The following KCNJ6 variants were observed in gnomAD, a reference collection of about 807,000 sequenced individuals.
KCNJ6 encodes the protein G protein-activated inward rectifier potassium channel 2.
A neutral mutation model predicts 34.2 loss-of-function variants in KCNJ6; 9 were observed. The observed-to-expected ratio is 0.26, with a 90% CI of 0.16 to 0.46. KCNJ6 has a LOEUF of 0.46. KCNJ6 is among the 20% of genes least tolerant of loss of function. The probability of loss-of-function intolerance (pLI) is 1.00; values close to 1 mark genes in which losing one functional copy is unlikely to be tolerated. For missense variants in KCNJ6, 236 were observed against 531.3 expected, an observed-to-expected ratio of 0.44 and a Z score of 5.46; for synonymous variants, 196 against 207.1, an observed-to-expected ratio of 0.95 and a Z score of 0.46.
chr21:37,868,311 A>G (rs1216843931), intron 1 of KCNJ6, among the ~76,000 whole-genome samples: 1 of 152,240 alleles, frequency 6.6e-6, no homozygotes, highest in African/African-American at 2.4e-5. Flanking sequence ...AGAGATTTGT[A>G]CTGTCTGGAA....
chr21:37,697,994 G>C (rs1273120584), intron 3 of KCNJ6, among the ~76,000 whole-genome samples: 1 of 152,158 alleles, frequency 6.6e-6, no homozygotes, highest in Non-Finnish European at 1.5e-5. Context: ...AGTAGTGGGA[G>C]TACTTTTCAC....
In KCNJ6 at chr21:37,842,764, C is replaced by T. The variant is rs146059669; in HGVS notation, c.-27-2055G>A. 3.3e-3 allele frequency among the ~76,000 whole-genome samples: 504 copies of T among 152,296 alleles called. 2 individuals are homozygous for T. The highest frequency in any genetic ancestry group is 4.9e-3 in the Non-Finnish European group (333 of 68,038). Reference sequence around the variant, plus strand: ...TGCCGGTTCATGTGAGTGTGCACAGCGGCTGCTCAACAGCTGACCCCAGCG... The same window carrying T: ...TGCCGGTTCATGTGAGTGTGCACAGTGGCTGCTCAACAGCTGACCCCAGCG... On this transcript the variant is annotated intron_variant, in intron 1 of 3. Transcript: ENST00000609713.
intron 2 of KCNJ6, among the ~76,000 whole-genome samples, chr21:37,787,184 A>G (rs896277951): frequency 6.6e-6 from 1 of 152,234 alleles, no homozygotes; most frequent in African/African-American, 2.4e-5. Flanking sequence ...CATCTCCCGT[A>G]GACTGTGAAA....
At chr21:37,752,259 C>T (rs558566620) in intron 2 of KCNJ6, among the ~76,000 whole-genome samples, 13 of 152,244 alleles carry the variant, frequency 8.5e-5, no homozygotes, top group African/African-American at 9.6e-5. Context: ...CTTGATTCAG[C>T]CCCAGTGGCC....
At chr21:37,787,170 T>G (rs971129974) in intron 2 of KCNJ6, among the ~76,000 whole-genome samples, 1 of 152,208 alleles carries the variant, frequency 6.6e-6, no homozygotes, top group African/African-American at 2.4e-5. Context: ...GGTTAGAAAT[T>G]TGACATCTCC....
At chr21:37,644,326 C>G (rs542556964) in intron 3 of KCNJ6, among the ~76,000 whole-genome samples, 1 of 152,096 alleles carries the variant, frequency 6.6e-6, no homozygotes, top group Non-Finnish European at 1.5e-5. Context: ...ATCCCCATGA[C>G]GCAAGTTTAC....
rs1434586346 is a variant in KCNJ6 at position 37,623,213 on chromosome 21, AG to A, written c.*1945del. ...GATCCAAGGTCTCTGAGATGGGAGAAGAGAGGCCCCGAGGTTATATTTAGGA... is the reference window on the plus strand; with the variant it reads ...GATCCAAGGTCTCTGAGATGGGAGAAAGAGGCCCCGAGGTTATATTTAGGA... On this transcript the variant is annotated 3_prime_UTR_variant, in exon 4 of 4. Transcript: ENST00000609713. 2 of 152,268 alleles carry A rather than the reference AG, an allele frequency of 1.3e-5. No homozygotes were observed. The highest frequency in any genetic ancestry group is 4.8e-5 in the African/African-American group (2 of 41,462). The allele number at this position is 152,268 out of a possible 1,614,324, so 9.4% of individuals were successfully genotyped here. A position where few individuals can be genotyped will look rare whatever the true frequency, so the allele number is the denominator to read the frequency against.
At chr21:37,857,097 A>G (rs1368910949) in intron 1 of KCNJ6, among the ~76,000 whole-genome samples, 1 of 152,252 alleles carries the variant, frequency 6.6e-6, no homozygotes, top group Non-Finnish European at 1.5e-5. Context: ...GATAGATCTA[A>G]TTTTAAGATG....
At chr21:37,629,894 A>G (rs1421808135) in intron 3 of KCNJ6, among the ~76,000 whole-genome samples, 1 of 143,160 alleles carries the variant, frequency 7.0e-6, no homozygotes, top group Non-Finnish European at 1.6e-5. Flanking sequence ...TCATTTTTAT[A>G]TCAGAACTCA....
Position 37,714,584 on chromosome 21 carries a change from T to G in KCNJ6, c.573A>C (p.Val191=), listed in dbSNP as rs368653927. The change falls in exon 3 of 4, where the codon GTA becomes GTC. Residue 191 remains valine (V), a synonymous_variant. Coordinates refer to ENST00000609713, the MANE Select transcript of KCNJ6 (RefSeq NM_002240.5). This position sits in a 1 kb window ranked among gnomAD's most constrained non-coding sequence, Gnocchi z 5.9. ...VNAFMVGCMF[V]KISQPKKRAE... ...CCCTCTTCTTGGGTTGAGAGATTTT[T>G]ACAAACATGCATCCCACCATGAATG... is the stretch of plus-strand genomic sequence containing the variant. 1.9e-5 allele frequency: 31 copies of G among 1,614,018 alleles called. No individual in the cohort carries two copies. In the African/African-American group the frequency reaches 2.3e-4, roughly 12 times the overall value.
intron 1 of KCNJ6, among the ~76,000 whole-genome samples, chr21:37,852,603 A>G (rs1473435769): frequency 6.6e-6 from 1 of 152,240 alleles, no homozygotes; most frequent in Non-Finnish European, 1.5e-5. Flanking sequence ...CTATAATACA[A>G]GATTTCAATA....
At chr21:37,831,745 G>C (rs889592489) in intron 2 of KCNJ6, among the ~76,000 whole-genome samples, 1 of 152,168 alleles carries the variant, frequency 6.6e-6, no homozygotes, top group African/African-American at 2.4e-5. Flanking sequence ...CCCTGCAGGA[G>C]GGGCACACGG....
intron 2 of KCNJ6, among the ~76,000 whole-genome samples, chr21:37,752,917 G>A (rs1295432756): frequency 1.3e-5 from 2 of 152,202 alleles, no homozygotes; most frequent in African/African-American, 4.8e-5. Flanking sequence ...TCATACTGGA[G>A]TTAGAAAAGC....
At chr21:37,729,337 G>GT (rs1403789455) in intron 2 of KCNJ6, among the ~76,000 whole-genome samples, 3 of 62,498 alleles carry the variant, frequency 4.8e-5, no homozygotes, top group Non-Finnish European at 1.2e-4. Flanking sequence ...TTCTTTTTGG[G>GT]GGGGGGGGCA....
At position 37,710,061 on chromosome 21, in the gene KCNJ6, T is replaced by C. The variant is rs185100659; in HGVS notation, c.946+4150A>G. Reference sequence around the variant, plus strand: ...GTTATCTTCTTTAAGAAAAACTTATTGGAAAAAAAAACAGATGGAAGAAGA... The same window carrying C: ...GTTATCTTCTTTAAGAAAAACTTATCGGAAAAAAAAACAGATGGAAGAAGA... On this transcript the variant is annotated intron_variant, in intron 3 of 3. Transcript: ENST00000609713. Among the ~76,000 whole-genome samples the C allele has an allele frequency of 8.3e-5, 12 of 145,248 alleles. No homozygotes were observed. The East Asian group carries it at 2.1e-3, about 25-fold the overall frequency.
intron 2 of KCNJ6, among the ~76,000 whole-genome samples, chr21:37,717,424 G>A (rs1292180614): frequency 2.0e-5 from 3 of 151,592 alleles, no homozygotes; most frequent in African/African-American, 4.9e-5. Flanking sequence ...CACTGGAGAT[G>A]GGGTGGGTGT....
At chr21:37,657,856 G>A (rs1388068100) in intron 3 of KCNJ6, among the ~76,000 whole-genome samples, 1 of 152,190 alleles carries the variant, frequency 6.6e-6, no homozygotes, top group Non-Finnish European at 1.5e-5. Flanking sequence ...TGGGGGAGAC[G>A]GCATCTGAGA....
intron 3 of KCNJ6, among the ~76,000 whole-genome samples, chr21:37,700,610 T>C (rs1010166229): frequency 1.3e-5 from 2 of 151,960 alleles, no homozygotes; most frequent in African/African-American, 2.4e-5. Flanking sequence ...GTATGGAGCA[T>C]GGTAATGGTC....
intron 3 of KCNJ6, among the ~76,000 whole-genome samples, chr21:37,668,540 C>T (rs528888709): frequency 6.6e-6 from 1 of 152,268 alleles, no homozygotes; most frequent in African/African-American, 2.4e-5. Flanking sequence ...AAGGCCCTAC[C>T]TCCAAATACA....
Sources: allele counts gnomAD v4.1 joint callset (sites outside exome capture counted in the v4.1 genomes callset), GRCh38; gene constraint gnomAD v4.1.1; non-coding constraint Gnocchi (gnomAD v3.1); transcripts MANE v1.5; gene names NCBI Gene and HGNC (gene_info 2026-07-23, HGNC 2026-07-21).